Variants in DNM1L observed in about 807,000 individuals in gnomAD.
The protein encoded by DNM1L is dynamin-1-like protein.
A neutral mutation model predicts 92.8 loss-of-function variants in DNM1L; 33 were observed. That is an observed-to-expected ratio of 0.36 (90% CI 0.27 to 0.48). The LOEUF (loss-of-function observed/expected upper bound fraction) is 0.48. DNM1L is among the 20% of genes least tolerant of loss of function. DNM1L has a pLI of 0.99. For missense variants in DNM1L, 485 were observed against 888.8 expected (o/e 0.55, Z 5.78); for synonymous variants, 284 against 305.0 (o/e 0.93, Z 0.72).
chr12:32,705,248 C>T (rs1207712481), intron 2 of DNM1L, among the ~76,000 whole-genome samples: 1 of 152,130 alleles, frequency 6.6e-6, no homozygotes, highest in Non-Finnish European at 1.5e-5. Flanking sequence ...GGTGATCCGT[C>T]TGCCTCGGCT....
intron 5 of DNM1L, among the ~76,000 whole-genome samples, chr12:32,711,824 G>A (rs568774766): frequency 1.4e-4 from 21 of 152,170 alleles, no homozygotes; most frequent in African/African-American, 4.8e-4. Flanking sequence ...TTGAGGCTAC[G>A]GTGAGCTATG....
chr12:32,697,837 C>G (rs1218143713), intron 1 of DNM1L, among the ~76,000 whole-genome samples: 2 of 151,220 alleles, frequency 1.3e-5, no homozygotes, highest in Non-Finnish European at 2.9e-5. Flanking sequence ...GCAAAATCAG[C>G]AAAATATTTG....
intron 2 of DNM1L, chr12:32,706,139 C>T (rs920493669): frequency 1.5e-5 from 5 of 330,688 alleles, no homozygotes; most frequent in African/African-American, 1.1e-4. Flanking sequence ...AGAAACAGCT[C>T]TTTGGTATGT....
At chr12:32,701,332 G>A (rs1196224735) in intron 1 of DNM1L, 83 bp from the exon 2 acceptor site, 5 of 1,211,210 alleles carry the variant, frequency 4.1e-6, no homozygotes, top group Non-Finnish European at 5.9e-6. Context: ...AATTCTGTAT[G>A]CTGGTTTGTT....
intron 6 of DNM1L, among the ~76,000 whole-genome samples, chr12:32,714,446 G>A (rs1953271420): frequency 6.6e-6 from 1 of 151,454 alleles, no homozygotes; most frequent in Non-Finnish European, 1.5e-5. Flanking sequence ...CTAATTTTTT[G>A]TATTTTTAGT....
chr12:32,711,057 C>T, intron 5 of DNM1L, 42 bp downstream of exon 5: 1 of 1,521,368 alleles, frequency 6.6e-7, no homozygotes, highest in Non-Finnish European at 9.1e-7. Flanking sequence ...GTTGTTTTCA[C>T]TTCGTTGACA....
chr12:32,738,777 T>TAACC lies in DNM1L; in HGVS notation c.1707+483_1707+486dup, dbSNP rs532579256. 4.7e-3 allele frequency among the ~76,000 whole-genome samples: 712 copies of TAACC among 152,330 alleles called. 6 individuals carry two copies. The highest frequency in any genetic ancestry group is 0.014 in the Middle Eastern group (4 of 292). On this transcript the variant is annotated intron_variant, in intron 16 of 19. Coordinates refer to ENST00000549701, the MANE Select transcript of DNM1L (RefSeq NM_012062.5). ...GTTTGAGACTGTTTTCAATTCTTGA[T>TAACC]AACCATTTTAGAGGAAAATTAAATA...
Position 32,743,710 on chromosome 12 carries a change from A to C in DNM1L, c.*300A>C. Reference sequence around the variant, plus strand: ...TGTTAATGTTCTAGTTGTGCAAAGCAGTTTGCCTGTGGATAAGATGACCTG... The same window carrying C: ...TGTTAATGTTCTAGTTGTGCAAAGCCGTTTGCCTGTGGATAAGATGACCTG... On this transcript the variant is annotated 3_prime_UTR_variant, in exon 20 of 20. Transcript: ENST00000549701. The C allele has an allele frequency of 2.5e-6, 1 of 393,560 alleles. No individual in the cohort carries two copies. Among genetic ancestry groups the C allele is most frequent in the Non-Finnish European group, 4.7e-6 (1 of 214,586 alleles). 24.4% of individuals were successfully genotyped at this position (393,560 alleles called of 1,614,324 possible).
chr12:32,735,981 A>C (rs916539239), intron 13 of DNM1L, among the ~76,000 whole-genome samples: 6 of 152,182 alleles, frequency 3.9e-5, no homozygotes, highest in African/African-American at 1.2e-4. Flanking sequence ...TTGTGACTTT[A>C]ACCTAAATAG....
chr12:32,703,116 C>T (rs1280362406), intron 2 of DNM1L, among the ~76,000 whole-genome samples: 1 of 150,564 alleles, frequency 6.6e-6, no homozygotes, highest in Non-Finnish European at 1.5e-5. Context: ...CCATGATATC[C>T]TGTCTCTCAG....
intron 9 of DNM1L, 77 bp downstream of exon 9, chr12:32,722,710 CTCAGATTA>C (rs1307786925): frequency 1.9e-6 from 2 of 1,038,202 alleles, no homozygotes; most frequent in African/African-American, 1.6e-5. Context: ...ATGACTTCAG[CTCAGATTA>C]TCTGATTAAG....
rs189897904 is a variant in DNM1L at position 32,701,305 on chromosome 12, A to G, written c.103-110A>G. The G allele has an allele frequency of 6.5e-5, 65 of 1,005,544 alleles. No homozygotes were observed. In the East Asian group the frequency reaches 1.5e-3, roughly 24 times the overall value. The allele number at this position is 1,005,544 out of a possible 1,614,324, so 62.3% of individuals were successfully genotyped here. On this transcript the variant is annotated intron_variant, in intron 1 of 19. Transcript: ENST00000549701. ...AAAAAAAAAAAATAGTCTCTGCACT[A>G]ATTTTTCCTTTAAAATAATTCTGTA...
At chr12:32,702,233 C>CAAAAAAA (rs1179046487) in intron 2 of DNM1L, among the ~76,000 whole-genome samples, 2 of 81,332 alleles carry the variant, frequency 2.5e-5, no homozygotes, top group African/African-American at 4.2e-5. Flanking sequence ...GACTCCGTCT[C>CAAAAAAA]AAAAAAAAAA....
chr12:32,714,602 ACT>A (rs1419550149), intron 6 of DNM1L, among the ~76,000 whole-genome samples: 1 of 151,022 alleles, frequency 6.6e-6, no homozygotes, highest in Admixed American at 6.6e-5. Context: ...TTTTTAAGAA[ACT>A]CTTTTTTACC....
intron 18 of DNM1L, 114 bp downstream of exon 18, chr12:32,740,632 G>A (rs907921940): frequency 1.9e-5 from 19 of 986,154 alleles, no homozygotes; most frequent in African/African-American, 4.9e-5. Context: ...AAATCATCAA[G>A]TGGATTTTCT....
At chr12:32,689,568 A>C (rs962784656) in intron 1 of DNM1L, among the ~76,000 whole-genome samples, 3 of 152,240 alleles carry the variant, frequency 2.0e-5, no homozygotes, top group Non-Finnish European at 2.9e-5. Context: ...TAAGTGAAGC[A>C]AATATATAAG....
intron 1 of DNM1L, among the ~76,000 whole-genome samples, chr12:32,698,339 G>T (rs1469668674): frequency 6.6e-6 from 1 of 152,164 alleles, no homozygotes; most frequent in Non-Finnish European, 1.5e-5. Flanking sequence ...TCCCGGTCTT[G>T]ATTCCCCCAT....
At chr12:32,697,222 CT>C (rs1228373439) in intron 1 of DNM1L, among the ~76,000 whole-genome samples, 1 of 151,830 alleles carries the variant, frequency 6.6e-6, no homozygotes, top group Non-Finnish European at 1.5e-5. Flanking sequence ...GAGCGAGACT[CT>C]CTAAAAAAAT....
At chr12:32,691,479 G>A (rs998857554) in intron 1 of DNM1L, among the ~76,000 whole-genome samples, 1 of 152,018 alleles carries the variant, frequency 6.6e-6, no homozygotes, top group African/African-American at 2.4e-5. Flanking sequence ...TCTTGACCTC[G>A]TGATCCACCC....
Sources: allele counts gnomAD v4.1 joint callset (sites outside exome capture counted in the v4.1 genomes callset), GRCh38; gene constraint gnomAD v4.1.1; transcripts MANE v1.5; gene names NCBI Gene and HGNC (gene_info 2026-07-23, HGNC 2026-07-21).